The following ZBTB7A variants were observed in gnomAD, a reference collection of about 807,000 sequenced individuals.
ZBTB7A encodes the protein zinc finger and BTB domain containing 7A.
A neutral mutation model predicts 26.7 loss-of-function variants in ZBTB7A; 7 were observed. The ratio of observed to expected loss-of-function variants is 0.26; its 90% CI spans 0.15 to 0.49. ZBTB7A has a LOEUF of 0.49. Ranked by LOEUF, ZBTB7A falls within the 20% of genes least tolerant of loss-of-function variation. The pLI is 0.98. For synonymous variants in ZBTB7A, 452 were observed against 441.0 expected (o/e 1.02, Z -0.31); for missense variants, 617 against 919.5 (o/e 0.67, Z 4.25).
chr19:4,050,459 C>A (rs2040490858), intron 2 of ZBTB7A, among the ~76,000 whole-genome samples: 1 of 152,184 alleles, frequency 6.6e-6, no homozygotes, highest in South Asian at 2.1e-4. Flanking sequence ...CTTGAGGGCC[C>A]CTCCCTGCCT....
At position 4,055,013 on chromosome 19, in the gene ZBTB7A, C is replaced by T; in HGVS notation, c.220G>A (p.Val74Met). ...TSGAVVDQQN[V>M]YEIDFVSAEA... The stretch of plus-strand genomic sequence containing the variant: ...GCGCTGACGAAGTCGATCTCGTACA[C>T]GTTCTGCTGGTCCACCACGGCGCCC... The change falls in exon 2 of 3, where the codon GTG (valine) becomes ATG (methionine). Residue 74 changes from valine (V) to methionine (M), a missense_variant. Coordinates refer to ENST00000322357, the MANE Select transcript of ZBTB7A (RefSeq NM_015898.4). 2 of 1,611,242 alleles carry T rather than the reference C, an allele frequency of 1.2e-6. No individual in the cohort carries two copies. The highest frequency in any genetic ancestry group is 1.7e-6 in the Non-Finnish European group (2 of 1,179,052).
rs574710232 is a variant in ZBTB7A, at chr19:4,054,693, AGCG to A, written c.537_539del (p.Ala181del). The stretch of plus-strand genomic sequence containing the variant: ...CAAAGGCGGACCACGGGAAGCTGGC[AGCG>A]GCGGCGGCGGCCGCGGGGGGCAGGC... On this transcript the variant is annotated inframe_deletion, in exon 2 of 3. Transcript: ENST00000322357. 8 of 1,588,242 alleles carry A rather than the reference AGCG, an allele frequency of 5.0e-6. No homozygotes were observed. Among genetic ancestry groups the A allele is most frequent in the East Asian group, 2.3e-5 (1 of 43,530 alleles).
rs544673037 is a variant in ZBTB7A, at chr19:4,054,803, C to G, written c.430G>C (p.Asp144His). The change falls in exon 2 of 3, where the codon GAC becomes CAC. Residue 144 changes from aspartate to histidine, a missense_variant. Asp to His is a moderately conservative substitution (Grantham distance 81). Transcript: ENST00000322357. Reference protein sequence around the residue: ...ADAGADAGQLDLVDQIDQRNL... With the variant: ...ADAGADAGQLHLVDQIDQRNL... ...CGCTGATCAATTTGATCTACAAGGT[C>G]CAGCTGCCCGGCGTCGGCGCCCGCG... 1.3e-6 allele frequency: 2 copies of G among 1,591,090 alleles called. No homozygotes were observed. Among genetic ancestry groups the G allele is most frequent in the Non-Finnish European group, 1.7e-6 (2 of 1,168,536 alleles).
At chr19:4,065,171 G>A (rs1353363157) in intron 1 of ZBTB7A, among the ~76,000 whole-genome samples, 5 of 151,692 alleles carry the variant, frequency 3.3e-5, no homozygotes, top group African/African-American at 1.2e-4. Context: ...AGGAGGGGGG[G>A]TCCGGGCCAG....
chr19:4,047,563 A>C lies in ZBTB7A; in HGVS notation c.*189T>G. 3 of 458,820 alleles carry C rather than the reference A, an allele frequency of 6.5e-6. No individual in the cohort carries two copies. Among genetic ancestry groups the C allele is most frequent in the East Asian group, 5.0e-5 (1 of 20,114 alleles). The allele number at this position is 458,820 out of a possible 1,614,324, so 28.4% of individuals were successfully genotyped here. On this transcript the variant is annotated 3_prime_UTR_variant, in exon 3 of 3. Coordinates refer to ENST00000322357, the MANE Select transcript of ZBTB7A (RefSeq NM_015898.4). Reference sequence around the variant, plus strand: ...GGAGAAAAACGTCAGAAAGGAGGGAAATCTGAGAAAGCGCTACCCTAGATT... The same window carrying C: ...GGAGAAAAACGTCAGAAAGGAGGGACATCTGAGAAAGCGCTACCCTAGATT...
chr19:4,053,617 TATGTGGTGTGC>T (rs2040530826), intron 2 of ZBTB7A, among the ~76,000 whole-genome samples: 2 of 148,942 alleles, frequency 1.3e-5, no homozygotes, highest in South Asian at 4.3e-4. Flanking sequence ...ATGTGATGTG[TATGTGGTGTGC>T]ATCTGTGTCT....
chr19:4,057,878 G>A (rs2040598097), intron 1 of ZBTB7A, among the ~76,000 whole-genome samples: 1 of 151,934 alleles, frequency 6.6e-6, no homozygotes, highest in African/African-American at 2.4e-5. Context: ...GTCGTGAGCT[G>A]AGGCCACTTG....
chr19:4,047,876 T>G lies in ZBTB7A; in HGVS notation c.1631A>C (p.Asp544Ala), dbSNP rs1405247158. The G allele has an allele frequency of 6.3e-7, 1 of 1,597,510 alleles. No homozygotes were observed. Among genetic ancestry groups the G allele is most frequent in the African/African-American group, 1.4e-5 (1 of 73,700 alleles). Residue 544 changes from aspartate to alanine, a missense_variant, in exon 3 of 3, where the codon GAC (aspartate) becomes GCC (alanine). By Grantham distance (126) the Asp-to-Ala change is moderately radical. Transcript: ENST00000322357. ...QEKHFKDEDE[D>A]EDVASPDGLG... ...GCCGTCGGGGCTGGCCACGTCCTCG[T>G]CCTCGTCCTCGTCCTTAAAGTGCTT...
chr19:4,058,547 C>T (rs959748371), intron 1 of ZBTB7A, among the ~76,000 whole-genome samples: 3 of 152,304 alleles, frequency 2.0e-5, no homozygotes, highest in African/African-American at 7.2e-5. Flanking sequence ...GAGCCCCTGG[C>T]GGCCCCGAGT....
chr19:4,051,512 CCT>C (rs1229731458), intron 2 of ZBTB7A, among the ~76,000 whole-genome samples: 1 of 152,188 alleles, frequency 6.6e-6, no homozygotes, highest in African/African-American at 2.4e-5. Context: ...GCTCTGTTGC[CCT>C]GAGGGTCAAG....
chr19:4,058,902 G>A lies in ZBTB7A; in HGVS notation c.-15-3655C>T, dbSNP rs555492021. Among the ~76,000 whole-genome samples the A allele has an allele frequency of 4.6e-5, 7 of 152,240 alleles. No homozygotes were observed. In the East Asian group the frequency reaches 5.8e-4, roughly 13 times the overall value. On this transcript the variant is annotated intron_variant, in intron 1 of 2. Coordinates refer to ENST00000322357, the MANE Select transcript of ZBTB7A (RefSeq NM_015898.4). Reference sequence around the variant, plus strand: ...GCCTTCCTTCCCTCCTTCCAGCCTCGGCCCAGGGCCCAGCTGCTCAGCACC... The same window carrying A: ...GCCTTCCTTCCCTCCTTCCAGCCTCAGCCCAGGGCCCAGCTGCTCAGCACC...
At chr19:4,065,832 C>CCCGCGGG (rs2040690438) in intron 1 of ZBTB7A, 1 of 142,912 alleles carries the variant, frequency 7.0e-6, no homozygotes, top group Non-Finnish European at 1.6e-5. Context: ...AGGGGGCCGG[C>CCCGCGGG]CCGCGGGCCG....
chr19:4,049,940 C>G (rs1362608534), intron 2 of ZBTB7A, among the ~76,000 whole-genome samples: 1 of 151,044 alleles, frequency 6.6e-6, no homozygotes, highest in Non-Finnish European at 1.5e-5. Flanking sequence ...GTTTTTTTTT[C>G]TGAGACCGAG....
rs1192649229 is a variant in ZBTB7A, at chr19:4,047,655, A to G, written c.*97T>C. 2.2e-6 allele frequency: 3 copies of G among 1,335,932 alleles called. No homozygotes were observed. The highest frequency in any genetic ancestry group is 3.0e-6 in the Non-Finnish European group (3 of 991,844). 82.8% of individuals were successfully genotyped at this position (1,335,932 alleles called of 1,614,324 possible). On this transcript the variant is annotated 3_prime_UTR_variant, in exon 3 of 3. Transcript: ENST00000322357. The stretch of plus-strand genomic sequence containing the variant: ...GATATAGATATCTGTATATAGATAG[A>G]TTTTCTTTTTTTGTGTTTTTGGGGG...
intron 1 of ZBTB7A, among the ~76,000 whole-genome samples, chr19:4,058,855 C>T (rs372443279): frequency 6.6e-6 from 1 of 152,230 alleles, no homozygotes; most frequent in African/African-American, 2.4e-5. Context: ...AGTGCCACCA[C>T]GCTCCCCAGG....
intron 1 of ZBTB7A, chr19:4,065,363 G>A (rs1205946538): frequency 6.9e-6 from 1 of 145,212 alleles, no homozygotes; most frequent in African/African-American, 2.5e-5. Context: ...CCCCGCCCCG[G>A]CCGCAGCGCG....
chr19:4,053,899 C>G, intron 2 of ZBTB7A, 72 bp downstream of exon 2: 5 of 1,487,772 alleles, frequency 3.4e-6, no homozygotes, highest in Non-Finnish European at 4.5e-6. Context: ...GGGAGAGAGG[C>G]GGGAGGGGTC....
At chr19:4,055,352 T>TC (rs1407615719) in intron 1 of ZBTB7A, 105 bp from the exon 2 acceptor site, 2 of 1,395,918 alleles carry the variant, frequency 1.4e-6, no homozygotes, top group Admixed American at 6.7e-5. Flanking sequence ...TCCACCCTGC[T>TC]CCCCCAGCCT....
chr19:4,055,599 G>A (rs1452011569), intron 1 of ZBTB7A: 1 of 388,560 alleles, frequency 2.6e-6, no homozygotes, highest in Non-Finnish European at 3.5e-6. Flanking sequence ...GAGACAGGCA[G>A]ATCATGAGGT....
Sources: allele counts gnomAD v4.1 joint callset (sites outside exome capture counted in the v4.1 genomes callset), GRCh38; gene constraint gnomAD v4.1.1; transcripts MANE v1.5; gene names NCBI Gene and HGNC (gene_info 2026-07-23, HGNC 2026-07-21).